Variants in ESR1 observed in about 807,000 individuals in gnomAD.
ESR1 encodes estrogen receptor.
ESR1 carries 12 observed loss-of-function variants against 52.7 expected under a neutral mutation model. That is an observed-to-expected ratio of 0.23 (90% CI 0.15 to 0.37). The LOEUF (loss-of-function observed/expected upper bound fraction) is 0.37, where lower values mean the gene tolerates loss of function less well. Among genes scored for constraint, ESR1 ranks in the 10% least tolerant of loss-of-function variants. ESR1 has a pLI of 1.00. For synonymous variants in ESR1, 305 were observed against 316.8 expected, an observed-to-expected ratio of 0.96 and a Z score of 0.39; for missense variants, 584 against 779.7, an observed-to-expected ratio of 0.75 and a Z score of 2.99.
intron 1 of ESR1, among the ~76,000 whole-genome samples, chr6:151,835,871 G>GT (rs1783246994): frequency 6.6e-6 from 1 of 152,024 alleles, no homozygotes; most frequent in African/African-American, 2.4e-5. Flanking sequence ...AGATTTTTAT[G>GT]TGTATTTTCT....
At chr6:151,914,199 G>A (rs1409882402) in intron 3 of ESR1, among the ~76,000 whole-genome samples, 3 of 150,834 alleles carry the variant, frequency 2.0e-5, no homozygotes, top group Admixed American at 6.6e-5. Flanking sequence ...GCAATTCAGG[G>A]CTCACAATTT....
chr6:151,732,716 G>C (rs1782349097), intron 2 of ESR1, among the ~76,000 whole-genome samples: 1 of 152,124 alleles, frequency 6.6e-6, no homozygotes, highest in Non-Finnish European at 1.5e-5. Flanking sequence ...TTGTCAGAGA[G>C]GCTAATAGGG....
intron 6 of ESR1, among the ~76,000 whole-genome samples, chr6:152,071,777 G>A (rs959508569): frequency 7.9e-5 from 12 of 152,224 alleles, no homozygotes; most frequent in South Asian, 6.2e-4. Flanking sequence ...TGTTAAACAC[G>A]TAAGTGATTT....
chr6:151,779,770 A>C (rs1020327218), intron 2 of ESR1, among the ~76,000 whole-genome samples: 2 of 151,844 alleles, frequency 1.3e-5, no homozygotes, highest in African/African-American at 4.8e-5. Context: ...ACTTGGAACC[A>C]ACCCAAATGT....
At chr6:151,676,359 T>C (rs189096746) in intron 1 of ESR1, among the ~76,000 whole-genome samples, 2 of 152,314 alleles carry the variant, frequency 1.3e-5, no homozygotes, top group Non-Finnish European at 2.9e-5. Flanking sequence ...TCCTGTTTTA[T>C]GAACAAATAC....
chr6:151,803,503 G>A (rs1224459013), upstream of ESR1, among the ~76,000 whole-genome samples: 2 of 152,166 alleles, frequency 1.3e-5, no homozygotes, highest in Non-Finnish European at 2.9e-5. Flanking sequence ...AGGAAGGATC[G>A]TTATGGGCAG....
At chr6:152,078,227 AT>A (rs2048901873) in intron 6 of ESR1, among the ~76,000 whole-genome samples, 1 of 152,062 alleles carries the variant, frequency 6.6e-6, no homozygotes, top group South Asian at 2.1e-4. Context: ...CATCTTCCTC[AT>A]TTTCTCTTGC....
intron 2 of ESR1, among the ~76,000 whole-genome samples, chr6:151,779,681 C>A (rs899735892): frequency 1.3e-5 from 2 of 152,142 alleles, no homozygotes; most frequent in Admixed American, 6.5e-5. Flanking sequence ...TGGGTATATA[C>A]CCAAAGGATT....
chr6:151,872,494 A>AT (rs1484978706), intron 2 of ESR1, among the ~76,000 whole-genome samples: 11 of 152,018 alleles, frequency 7.2e-5, no homozygotes, highest in Middle Eastern at 3.4e-3. Flanking sequence ...TTTTGGTATG[A>AT]TTTTTTTTCC....
At chr6:151,820,333 A>C (rs1010004144) in intron 1 of ESR1, among the ~76,000 whole-genome samples, 1 of 152,220 alleles carries the variant, frequency 6.6e-6, no homozygotes, top group Non-Finnish European at 1.5e-5. Flanking sequence ...GTAAACTGTT[A>C]AGAATCAGAG....
chr6:151,839,631 TA>T, intron 1 of ESR1, among the ~76,000 whole-genome samples: 1 of 152,186 alleles, frequency 6.6e-6, no homozygotes, highest in Non-Finnish European at 1.5e-5. Context: ...AAAGTCTGTG[TA>T]GTATATACAG....
rs757200716 is a variant in ESR1, at chr6:151,842,617, G to A, written c.473G>A (p.Arg158His). Reference sequence around the variant, plus strand: ...CCCAGGCCAAATTCAGATAATCGACGCCAGGGTGGCAGAGAAAGATTGGCC... The same window carrying A: ...CCCAGGCCAAATTCAGATAATCGACACCAGGGTGGCAGAGAAAGATTGGCC... Reference protein sequence around the residue: ...AFYRPNSDNRRQGGRERLAST... With the variant: ...AFYRPNSDNRHQGGRERLAST... Residue 158 changes from arginine (R) to histidine (H), a missense_variant, in exon 2 of 8, where the codon CGC becomes CAC. By Grantham distance (29) the Arg-to-His change is conservative (BLOSUM62 0). Coordinates refer to ENST00000206249, the MANE Select transcript of ESR1 (RefSeq NM_000125.4). The A allele has an allele frequency of 4.3e-6, 7 of 1,613,492 alleles. No homozygotes were observed. Among genetic ancestry groups the A allele is most frequent in the South Asian group, 1.1e-5 (1 of 91,040 alleles).
intron 1 of ESR1, among the ~76,000 whole-genome samples, chr6:151,667,113 T>C (rs957308203): frequency 6.6e-6 from 1 of 152,202 alleles, no homozygotes; most frequent in African/African-American, 2.4e-5. Flanking sequence ...CAGATCTCAT[T>C]GGATAACTAG....
chr6:151,867,013 G>A (rs920055176), intron 2 of ESR1, among the ~76,000 whole-genome samples: 5 of 152,220 alleles, frequency 3.3e-5, no homozygotes, highest in Admixed American at 3.3e-4. Context: ...AAGCAATGGG[G>A]AAAGGATTCC....
intron 6 of ESR1, among the ~76,000 whole-genome samples, chr6:152,108,603 G>A (rs917105704): frequency 9.9e-5 from 15 of 152,162 alleles, no homozygotes; most frequent in African/African-American, 3.6e-4. Flanking sequence ...CCAAGGAGCA[G>A]ACTTGTCTAC....
chr6:152,112,363 CTCATT>C (rs1225482115), intron 6 of ESR1, among the ~76,000 whole-genome samples: 1 of 152,162 alleles, frequency 6.6e-6, no homozygotes, highest in Admixed American at 6.5e-5. Flanking sequence ...TTTCCTGTAT[CTCATT>C]TCAAGTCAAG....
chr6:151,965,622 T>A (rs2038186502), intron 4 of ESR1, among the ~76,000 whole-genome samples: 1 of 152,140 alleles, frequency 6.6e-6, no homozygotes, highest in Non-Finnish European at 1.5e-5. Flanking sequence ...GTTCACCCAC[T>A]GTTAAATAAT....
intron 2 of ESR1, among the ~76,000 whole-genome samples, chr6:151,731,318 TG>T (rs1562362778): frequency 6.6e-6 from 1 of 151,342 alleles, no homozygotes; most frequent in Non-Finnish European, 1.5e-5. Context: ...ATCGCGCCAC[TG>T]TACACCAGCC....
At chr6:151,684,723 A>C (rs533420334) in intron 1 of ESR1, among the ~76,000 whole-genome samples, 2 of 152,216 alleles carry the variant, frequency 1.3e-5, no homozygotes, top group Non-Finnish European at 2.9e-5. Flanking sequence ...GCAACCTGCA[A>C]TTCTTTCTGG....
Sources: allele counts gnomAD v4.1 joint callset (sites outside exome capture counted in the v4.1 genomes callset), GRCh38; gene constraint gnomAD v4.1.1; transcripts MANE v1.5; gene names NCBI Gene and HGNC (gene_info 2026-07-23, HGNC 2026-07-21).